FEZ1: variants seen among roughly 807,000 people sequenced by gnomAD.
FEZ1 encodes fasciculation and elongation protein zeta-1.
A neutral mutation model predicts 49.3 loss-of-function variants in FEZ1; 20 were observed. That is an observed-to-expected ratio of 0.41 (90% CI 0.29 to 0.59). The LOEUF is 0.59. Among genes scored for constraint, FEZ1 ranks in the 20% least tolerant of loss-of-function variants. The pLI is 0.36. For missense variants in FEZ1, 413 were observed against 476.0 expected, an observed-to-expected ratio of 0.87 and a Z score of 1.23; for synonymous variants, 170 against 180.9, an observed-to-expected ratio of 0.94 and a Z score of 0.48.
chr11:125,458,815 T>C (rs551492321), intron 5 of FEZ1, among the ~76,000 whole-genome samples: 1 of 152,296 alleles, frequency 6.6e-6, no homozygotes, highest in African/African-American at 2.4e-5. Flanking sequence ...ATGCCTGTAA[T>C]CCCAGCACTT....
At chr11:125,468,018 T>A (rs1293665509) in intron 3 of FEZ1, among the ~76,000 whole-genome samples, 1 of 152,154 alleles carries the variant, frequency 6.6e-6, no homozygotes, top group Non-Finnish European at 1.5e-5. Context: ...GTGAAAAAAA[T>A]AATAATGCCT....
Position 125,489,692 on chromosome 11 carries a change from C to A in FEZ1, c.86G>T (p.Cys29Phe). The change falls in exon 2 of 10, where the codon TGT (cysteine) becomes TTT (phenylalanine). Residue 29 changes from cysteine (C) to phenylalanine (F), a missense_variant. Coordinates refer to ENST00000278919, the MANE Select transcript of FEZ1 (RefSeq NM_005103.5). The surrounding 1 kb of genome is among the most constrained non-coding windows in gnomAD (Gnocchi z 4.2). ...CSEDPEEKPQ[C>F]FYGSSPHHLE... Reference sequence around the variant, plus strand: ...ATGGTGGGGAGATGAACCATAGAAACACTGGGGCTTCTCCTCCGGGTCCTC... The same window carrying A: ...ATGGTGGGGAGATGAACCATAGAAAAACTGGGGCTTCTCCTCCGGGTCCTC... The A allele has an allele frequency of 1.9e-6, 3 of 1,613,252 alleles. No homozygotes were observed. The highest frequency in any genetic ancestry group is 2.5e-6 in the Non-Finnish European group (3 of 1,179,530).
At chr11:125,483,501 G>T (rs1957302787) in intron 2 of FEZ1, among the ~76,000 whole-genome samples, 1 of 152,152 alleles carries the variant, frequency 6.6e-6, no homozygotes, top group South Asian at 2.1e-4. Context: ...GGCACTATTA[G>T]AGCTGCATTA....
intron 3 of FEZ1, among the ~76,000 whole-genome samples, chr11:125,471,111 A>T (rs1957179145): frequency 6.6e-6 from 1 of 152,274 alleles, no homozygotes; most frequent in African/African-American, 2.4e-5. Flanking sequence ...TAAAAATCCA[A>T]CAGAAGACAT....
Position 125,452,352 on chromosome 11 carries a change from G to C in FEZ1, c.1078C>G (p.Leu360Val). Residue 360 changes from leucine to valine, a missense_variant, in exon 8 of 10, where the codon CTG (leucine) becomes GTG (valine). Coordinates refer to ENST00000278919, the MANE Select transcript of FEZ1 (RefSeq NM_005103.5). ...KKASPPSVEDLQMLTNILFAM... is the reference protein window; with the variant it reads ...KKASPPSVEDVQMLTNILFAM... ...AACTCACTGTTTGTCAGCATCTGCA[G>C]GTCTTCCACTGAGGGAGGAGAGGCT... 6.2e-7 allele frequency: 1 copy of C among 1,611,776 alleles called. No individual in the cohort carries two copies. The highest frequency in any genetic ancestry group is 8.5e-7 in the Non-Finnish European group (1 of 1,177,852).
Position 125,495,701 on chromosome 11 carries a change from G to T in FEZ1, c.-46+420C>A. 2.8e-6 allele frequency: 1 copy of T among 360,598 alleles called. No individual in the cohort carries two copies. The highest frequency in any genetic ancestry group is 7.5e-5 in the East Asian group (1 of 13,398). The allele number at this position is 360,598 out of a possible 1,614,324, so 22.3% of individuals were successfully genotyped here. On this transcript the variant is annotated intron_variant, in intron 1 of 9. Transcript: ENST00000278919. This position sits in a 1 kb window ranked among gnomAD's most constrained non-coding sequence, Gnocchi z 4.2. ...TCCCGGGACGAGGTACCGACCCACTGCCCCAGCGCGATCGGGCGGCGTTCC... is the reference window on the plus strand; with the variant it reads ...TCCCGGGACGAGGTACCGACCCACTTCCCCAGCGCGATCGGGCGGCGTTCC...
At chr11:125,478,942 G>A (rs529462916) in intron 3 of FEZ1, among the ~76,000 whole-genome samples, 1 of 152,274 alleles carries the variant, frequency 6.6e-6, no homozygotes, top group African/African-American at 2.4e-5. Context: ...GTACCATGAC[G>A]GACCTGATTT....
At chr11:125,454,090 A>G (rs1017248508) in intron 7 of FEZ1, 40 bp downstream of exon 7, 1 of 1,459,458 alleles carries the variant, frequency 6.9e-7, no homozygotes, top group Non-Finnish European at 9.5e-7. Context: ...AAGCTGCAGG[A>G]GTCTAGGAAG....
intron 5 of FEZ1, among the ~76,000 whole-genome samples, chr11:125,458,435 G>A (rs1389229185): frequency 4.6e-5 from 7 of 152,326 alleles, no homozygotes; most frequent in African/African-American, 4.8e-5. Context: ...CTGTGTCAGA[G>A]AGTTAAGAGG....
rs1957463895 is a variant in FEZ1, at chr11:125,495,864, A to T, written c.-46+257T>A. The T allele has an allele frequency of 3.2e-6, 1 of 310,986 alleles. No individual in the cohort carries two copies. Among genetic ancestry groups the T allele is most frequent in the Non-Finnish European group, 6.3e-6 (1 of 158,246 alleles). 19.3% of individuals were successfully genotyped at this position (310,986 alleles called of 1,614,324 possible). The stretch of plus-strand genomic sequence containing the variant: ...GCCTGGCTGGAGGGCCGATGCTGAG[A>T]TGATACTGGAAGTGCCCATCATCCC... On this transcript the variant is annotated intron_variant, in intron 1 of 9. Coordinates refer to ENST00000278919, the MANE Select transcript of FEZ1 (RefSeq NM_005103.5). The surrounding 1 kb of genome is among the most constrained non-coding windows in gnomAD (Gnocchi z 4.2).
In FEZ1 at chr11:125,489,782, G is replaced by A. The variant is rs73628448; in HGVS notation, c.-5C>T. ...ACTCACCAGTGGGGCCTCCATTCTT[G>A]CTCAGCAGGAGAACAACAGCGACTT... On this transcript the variant is annotated 5_prime_UTR_variant, in exon 2 of 10. Coordinates refer to ENST00000278919, the MANE Select transcript of FEZ1 (RefSeq NM_005103.5). The surrounding 1 kb of genome is among the most constrained non-coding windows in gnomAD (Gnocchi z 4.2). The A allele has an allele frequency of 8.7e-4, 1,321 of 1,526,184 alleles. 9 individuals are homozygous for A. In the African/African-American group the frequency reaches 0.016, roughly 18 times the overall value. The allele number at this position is 1,526,184 out of a possible 1,614,324, so 94.5% of individuals were successfully genotyped here.
At chr11:125,468,405 G>A (rs914060729) in intron 3 of FEZ1, among the ~76,000 whole-genome samples, 1 of 152,038 alleles carries the variant, frequency 6.6e-6, no homozygotes, top group Non-Finnish European at 1.5e-5. Flanking sequence ...ACCCAGGCTG[G>A]CTTCTAACTC....
At chr11:125,477,623 G>A (rs1170325359) in intron 3 of FEZ1, among the ~76,000 whole-genome samples, 1 of 152,192 alleles carries the variant, frequency 6.6e-6, no homozygotes, top group Non-Finnish European at 1.5e-5. Context: ...CATCCCAGGA[G>A]GCAGAGTCCT....
At chr11:125,494,823 C>A (rs1957441377) in intron 1 of FEZ1, among the ~76,000 whole-genome samples, 1 of 152,178 alleles carries the variant, frequency 6.6e-6, no homozygotes, top group Non-Finnish European at 1.5e-5. Flanking sequence ...CCCTGCTTTG[C>A]TGAGCTGACC....
rs778120357 is a variant in FEZ1 at position 125,448,510 on chromosome 11, A to G, written c.1154T>C (p.Ile385Thr). The stretch of plus-strand genomic sequence containing the variant: ...CCTGGGGCTGCTCTTACCTTTTAAA[A>G]TGTAGTCCGTTAGCAAAGTAGGCAC... The part of the protein sequence containing the change: ...EKVPTLLTDY[I>T]LKVLCPT Residue 385 changes from isoleucine (I) to threonine (T), a missense_variant, in exon 9 of 10, where the codon ATT becomes ACT. Ile to Thr is a moderately conservative substitution (Grantham distance 89, BLOSUM62 -1). Coordinates refer to ENST00000278919, the MANE Select transcript of FEZ1 (RefSeq NM_005103.5). 2 of 1,609,812 alleles carry G rather than the reference A, an allele frequency of 1.2e-6. No individual in the cohort carries two copies. Among genetic ancestry groups the G allele is most frequent in the Non-Finnish European group, 1.7e-6 (2 of 1,176,246 alleles).
At chr11:125,463,818 G>A (rs1393318810) in intron 3 of FEZ1, among the ~76,000 whole-genome samples, 1 of 152,196 alleles carries the variant, frequency 6.6e-6, no homozygotes, top group African/African-American at 2.4e-5. Context: ...GACGACAGGG[G>A]AATGGCCAGC....
intron 3 of FEZ1, among the ~76,000 whole-genome samples, chr11:125,471,974 C>T (rs1957187446): frequency 6.6e-6 from 1 of 152,014 alleles, no homozygotes; most frequent in Non-Finnish European, 1.5e-5. Flanking sequence ...TAAAACCTCC[C>T]AAGCACTTTG....
At chr11:125,461,699 T>G (rs970988427) in intron 4 of FEZ1, among the ~76,000 whole-genome samples, 1 of 152,176 alleles carries the variant, frequency 6.6e-6, no homozygotes, top group African/African-American at 2.4e-5. Context: ...TTTAGATGAG[T>G]TTTGTCCCAA....
rs1385760191 is a variant in FEZ1 at position 125,489,505 on chromosome 11, T to C, written c.273A>G (p.Leu91=). The C allele has an allele frequency of 6.2e-7, 1 of 1,614,014 alleles. No homozygotes were observed. The highest frequency in any genetic ancestry group is 1.3e-5 in the African/African-American group (1 of 74,920). The change falls in exon 2 of 10, where the codon TTA becomes TTG. Residue 91 remains leucine (L), a synonymous_variant. Coordinates refer to ENST00000278919, the MANE Select transcript of FEZ1 (RefSeq NM_005103.5). The surrounding 1 kb of genome is among the most constrained non-coding windows in gnomAD (Gnocchi z 4.2). ...TENLAPVKNQ[L]QIQEEEETLQ... ...GGGTCTCCTCCTCCTCTTGGATCTG[T>C]AACTGGTTCTTCACGGGAGCTAGGT...
Sources: allele counts gnomAD v4.1 joint callset (sites outside exome capture counted in the v4.1 genomes callset), GRCh38; gene constraint gnomAD v4.1.1; non-coding constraint Gnocchi (gnomAD v3.1); transcripts MANE v1.5; gene names NCBI Gene and HGNC (gene_info 2026-07-23, HGNC 2026-07-21).